Variants in PWWP3B observed in about 807,000 individuals in gnomAD.
PWWP3B encodes the protein PWWP domain containing 3B, also known as PWWP domain-containing DNA repair factor 3B.
A neutral mutation model predicts 15.7 loss-of-function variants in PWWP3B; 5 were observed. The ratio of observed to expected loss-of-function variants is 0.32; its 90% CI spans 0.17 to 0.67. PWWP3B has a LOEUF of 0.67. Ranked by LOEUF, PWWP3B falls within the 30% of genes least tolerant of loss-of-function variation. The probability of loss-of-function intolerance (pLI) is 0.74; values close to 1 mark genes in which losing one functional copy is unlikely to be tolerated. For synonymous variants in PWWP3B, 203 were observed against 179.8 expected (o/e 1.13, Z -1.03); for missense variants, 519 against 493.1 (o/e 1.05, Z -0.50).
chrX:106,191,271 A>T (rs1268778811), intron 2 of PWWP3B, among the ~76,000 whole-genome samples: 1 of 110,418 alleles, frequency 9.1e-6, no homozygotes, highest in Non-Finnish European at 1.9e-5. Flanking sequence ...ATCCCTTGTA[A>T]GTTGGATTCC....
chrX:106,191,454 G>T (rs1398024293), intron 2 of PWWP3B, among the ~76,000 whole-genome samples: 1 of 111,407 alleles, frequency 9.0e-6, no homozygotes, highest in African/African-American at 3.3e-5. Flanking sequence ...AGACGATGGG[G>T]TTTTCTAGAT....
Position 106,171,095 on chromosome X carries a change from A to G in PWWP3B, c.-445A>G, listed in dbSNP as rs914170223. Reference sequence around the variant, plus strand: ...GGACAAGCAGCTGGAGTGAGAATCAAGACAGCTGGACCACAGGACCAGACC... The same window carrying G: ...GGACAAGCAGCTGGAGTGAGAATCAGGACAGCTGGACCACAGGACCAGACC... On this transcript the variant is annotated 5_prime_UTR_variant, in exon 2 of 4. Coordinates refer to ENST00000357175, the MANE Select transcript of PWWP3B (RefSeq NM_001171020.2). 2.7e-5 allele frequency: 3 copies of G among 111,744 alleles called. No individual in the cohort carries two copies. The highest frequency in any genetic ancestry group is 9.8e-5 in the African/African-American group (3 of 30,715). 9.2% of individuals were successfully genotyped at this position (111,744 alleles called of 1,213,427 possible).
In PWWP3B at chrX:106,206,843, T is replaced by G. The variant is rs1924058721; in HGVS notation, c.1411T>G (p.Ser471Ala). 2.5e-6 allele frequency: 3 copies of G among 1,211,452 alleles called. No homozygotes were observed. Among genetic ancestry groups the G allele is most frequent in the Non-Finnish European group, 3.4e-6 (3 of 895,184 alleles). Reference sequence around the variant, plus strand: ...TAGTGAGAGTATTGACTGGTGCATCTCACTAATTTGTGACTACAGAGTTAG... The same window carrying G: ...TAGTGAGAGTATTGACTGGTGCATCGCACTAATTTGTGACTACAGAGTTAG... ...DYSESIDWCI[S>A]LICDYRVRIG... The change falls in exon 4 of 4, where the codon TCA becomes GCA. Residue 471 changes from serine to alanine, a missense_variant. Physicochemically the swap from Ser to Ala is moderately conservative, Grantham distance 99 (BLOSUM62 1). Coordinates refer to ENST00000357175, the MANE Select transcript of PWWP3B (RefSeq NM_001171020.2).
At chrX:106,204,903 A>C (rs973749500) in intron 3 of PWWP3B, among the ~76,000 whole-genome samples, 1 of 111,576 alleles carries the variant, frequency 9.0e-6, no homozygotes, top group Non-Finnish European at 1.9e-5. Context: ...AAAGTACCAA[A>C]GTATGTAATT....
chrX:106,195,672 A>G (rs754593306), intron 2 of PWWP3B, among the ~76,000 whole-genome samples: 3 of 111,969 alleles, frequency 2.7e-5, no homozygotes, highest in South Asian at 7.4e-4. Context: ...GGTCAATCCT[A>G]TGTCAATAAG....
intron 2 of PWWP3B, among the ~76,000 whole-genome samples, chrX:106,194,624 T>G (rs749393068): frequency 3.6e-5 from 4 of 112,028 alleles, no homozygotes; most frequent in Non-Finnish European, 7.5e-5. Flanking sequence ...ACTCTGATTT[T>G]TAGAGTTTCC....
chrX:106,171,152 C>T lies in PWWP3B; in HGVS notation c.-401+13C>T, dbSNP rs1487686144. 9.0e-6 allele frequency: 1 copy of T among 111,355 alleles called. No individual in the cohort carries two copies. Among genetic ancestry groups the T allele is most frequent in the Non-Finnish European group, 1.9e-5 (1 of 53,107 alleles). The allele number at this position is 111,355 out of a possible 1,213,427, so 9.2% of individuals were successfully genotyped here. On this transcript the variant is annotated intron_variant, in intron 2 of 3. Coordinates refer to ENST00000357175, the MANE Select transcript of PWWP3B (RefSeq NM_001171020.2). ...TATCCATGTAACAGTGAGTAAGACT[C>T]TTCCCATTTCACAAAACATTTCACG...
At chrX:106,198,335 TAA>T (rs1923499176) in intron 2 of PWWP3B, among the ~76,000 whole-genome samples, 2 of 111,633 alleles carry the variant, frequency 1.8e-5, no homozygotes, top group Non-Finnish European at 3.8e-5. Flanking sequence ...AAATGTCATA[TAA>T]ATGAAATCAC....
intron 2 of PWWP3B, among the ~76,000 whole-genome samples, chrX:106,194,812 A>G (rs1424996353): frequency 9.0e-6 from 1 of 111,708 alleles, no homozygotes; most frequent in Non-Finnish European, 1.9e-5. Flanking sequence ...TCCACTCCAG[A>G]CCCTGTTTGC....
In PWWP3B at chrX:106,205,911, G is replaced by A; in HGVS notation, c.479G>A (p.Ser160Asn). 2 of 1,211,313 alleles carry A rather than the reference G, an allele frequency of 1.7e-6. No individual in the cohort carries two copies. Among genetic ancestry groups the A allele is most frequent in the East Asian group, 3.0e-5 (1 of 33,846 alleles). Residue 160 changes from serine (S) to asparagine (N), a missense_variant, in exon 4 of 4, where the codon AGT becomes AAT. Coordinates refer to ENST00000357175, the MANE Select transcript of PWWP3B (RefSeq NM_001171020.2). ...GCATGCTTGTTAGCATCTTCAGAGA[G>A]TGATGATTCCCTGTATGATGATAAA... ...NSACLLASSE[S>N]DDSLYDDKSQ...
At chrX:106,181,196 G>A (rs183773056) in intron 2 of PWWP3B, among the ~76,000 whole-genome samples, 1 of 111,795 alleles carries the variant, frequency 8.9e-6, no homozygotes, top group East Asian at 2.8e-4. Flanking sequence ...AAGGTGGCAC[G>A]GGCCCAAAGA....
intron 2 of PWWP3B, among the ~76,000 whole-genome samples, 155 bp downstream of exon 2, chrX:106,171,294 T>C (rs1921600261): frequency 8.9e-6 from 1 of 112,230 alleles, no homozygotes; most frequent in Non-Finnish European, 1.9e-5. Flanking sequence ...GTTGAGAATT[T>C]GGGGTGTACT....
chrX:106,200,853 C>T (rs368329685), intron 2 of PWWP3B, among the ~76,000 whole-genome samples: 3 of 110,319 alleles, frequency 2.7e-5, no homozygotes, highest in East Asian at 5.7e-4. Flanking sequence ...TCGAGATCAT[C>T]CTGGCTAACA....
At chrX:106,188,653 C>A (rs1171544541) in intron 2 of PWWP3B, among the ~76,000 whole-genome samples, 13 of 112,479 alleles carry the variant, frequency 1.2e-4, no homozygotes, top group Non-Finnish European at 5.6e-5. Context: ...AATGTTCCCT[C>A]CTGCCCCATT....
intron 2 of PWWP3B, among the ~76,000 whole-genome samples, chrX:106,187,773 G>C (rs777102852): frequency 2.7e-5 from 3 of 111,370 alleles, no homozygotes; most frequent in Non-Finnish European, 3.8e-5. Flanking sequence ...AAGATTCCTT[G>C]CTTTACCAAT....
Position 106,207,090 on chromosome X carries a change from A to G in PWWP3B, c.1658A>G (p.Asn553Ser), listed in dbSNP as rs753571017. The change falls in exon 4 of 4, where the codon AAC becomes AGC. Residue 553 changes from asparagine (N) to serine (S), a missense_variant. Transcript: ENST00000357175. The stretch of plus-strand genomic sequence containing the variant: ...ATGAAGGCTGCTCGGGACCGAGCCA[A>G]CAAGAACCTGGTGGACTTCATTGTG... ...DRMKAARDRANKNLVDFIVNA... is the reference protein window; with the variant it reads ...DRMKAARDRASKNLVDFIVNA... 1.3e-5 allele frequency: 16 copies of G among 1,207,493 alleles called. No homozygotes were observed. Among genetic ancestry groups the G allele is most frequent in the South Asian group, 1.2e-4 (7 of 56,125 alleles).
At chrX:106,191,269 T>TGAAGG (rs1466434822) in intron 2 of PWWP3B, among the ~76,000 whole-genome samples, 1 of 110,902 alleles carries the variant, frequency 9.0e-6, no homozygotes, top group East Asian at 2.8e-4. Flanking sequence ...ACATCCCTTG[T>TGAAGG]AAGTTGGATT....
At position 106,206,184 on chromosome X, in the gene PWWP3B, C is replaced by G; in HGVS notation, c.752C>G (p.Pro251Arg). 8.3e-7 allele frequency: 1 copy of G among 1,206,367 alleles called. No homozygotes were observed. The highest frequency in any genetic ancestry group is 1.1e-6 in the Non-Finnish European group (1 of 892,889). Residue 251 changes from proline (P) to arginine (R), a missense_variant, in exon 4 of 4, where the codon CCC becomes CGC. Pro to Arg is a moderately radical substitution (Grantham distance 103). Coordinates refer to ENST00000357175, the MANE Select transcript of PWWP3B (RefSeq NM_001171020.2). Reference sequence around the variant, plus strand: ...TTGTCATCAGATATGCTCATTATGCCCAAAGCTTTGAAAGAAGAGAGCGAG... The same window carrying G: ...TTGTCATCAGATATGCTCATTATGCGCAAAGCTTTGAAAGAAGAGAGCGAG... ...SPLSSDMLIMPKALKEESEDT... is the reference protein window; with the variant it reads ...SPLSSDMLIMRKALKEESEDT...
At chrX:106,188,045 GT>G (rs1922625838) in intron 2 of PWWP3B, among the ~76,000 whole-genome samples, 1 of 110,345 alleles carries the variant, frequency 9.1e-6, no homozygotes, top group Admixed American at 9.7e-5. Flanking sequence ...CACTCATATG[GT>G]TTAGTGGCAT....
Sources: gnomAD v4.1 joint callset for allele counts (sites outside exome capture counted in the v4.1 genomes callset) on GRCh38, gnomAD v4.1.1 for gene constraint, MANE v1.5 for transcripts, NCBI Gene and HGNC (gene_info 2026-07-23, HGNC 2026-07-21) for gene names.